CEP112: variants seen among roughly 807,000 people sequenced by gnomAD.
CEP112 encodes the protein centrosomal protein of 112 kDa.
In CEP112, 127 loss-of-function variants were observed where a neutral mutation model predicts 153.0. That is an observed-to-expected ratio of 0.83 (90% confidence interval 0.72 to 0.96). The LOEUF (loss-of-function observed/expected upper bound fraction) is 0.96. CEP112 is among the 40% of genes least tolerant of loss of function. The pLI is 0.00. For missense variants in CEP112, 1,089 were observed against 1,101.2 expected (o/e 0.99, Z 0.16); for synonymous variants, 358 against 374.4 (o/e 0.96, Z 0.51).
Position 66,096,646 on chromosome 17 carries a change from A to C in CEP112, c.643-14T>G. On this transcript the variant is annotated splice_polypyrimidine_tract_variant and intron_variant, in intron 6 of 26. Transcript: ENST00000535342. The stretch of plus-strand genomic sequence containing the variant: ...AGGATTTTCTATCTGAAAATTTAAA[A>C]ATAAAACAAAATAAGGATTTATTAA... The C allele has an allele frequency of 6.7e-7, 1 of 1,486,190 alleles. No individual in the cohort carries two copies. The highest frequency in any genetic ancestry group is 9.3e-7 in the Non-Finnish European group (1 of 1,075,270). 92.1% of individuals were successfully genotyped at this position (1,486,190 alleles called of 1,614,324 possible).
intron 23 of CEP112, among the ~76,000 whole-genome samples, chr17:65,717,816 G>A (rs893793597): frequency 1.3e-5 from 2 of 152,098 alleles, no homozygotes; most frequent in Admixed American, 6.5e-5. Flanking sequence ...TGTTTAAAAG[G>A]GTCCCTGACT....
At chr17:66,039,517 A>C (rs1284269625) in intron 12 of CEP112, among the ~76,000 whole-genome samples, 2 of 152,132 alleles carry the variant, frequency 1.3e-5, no homozygotes, top group Non-Finnish European at 2.9e-5. Flanking sequence ...TTTGTGTGCC[A>C]CTGCACTCCA....
At chr17:65,712,646 G>T (rs2049260310) in intron 23 of CEP112, among the ~76,000 whole-genome samples, 1 of 152,132 alleles carries the variant, frequency 6.6e-6, no homozygotes, top group African/African-American at 2.4e-5. Context: ...GCTTCAAAAG[G>T]GCTTTGAGCA....
intron 21 of CEP112, among the ~76,000 whole-genome samples, chr17:65,813,477 G>C (rs888357548): frequency 1.3e-5 from 2 of 152,162 alleles, no homozygotes; most frequent in Non-Finnish European, 2.9e-5. Context: ...TGCTCATAGT[G>C]ACCTATCTGA....
intron 6 of CEP112, among the ~76,000 whole-genome samples, chr17:66,114,690 C>A (rs183718945): frequency 9.9e-5 from 15 of 152,138 alleles, no homozygotes; most frequent in African/African-American, 3.4e-4. Flanking sequence ...CAAAAGGACT[C>A]TCATGCAGAA....
chr17:65,704,763 C>T (rs892502229), intron 23 of CEP112, among the ~76,000 whole-genome samples: 1 of 152,158 alleles, frequency 6.6e-6, no homozygotes, highest in Admixed American at 6.5e-5. Context: ...AAATCATTCA[C>T]GCCAGATAAA....
At chr17:65,790,051 C>G (rs958704307) in intron 21 of CEP112, among the ~76,000 whole-genome samples, 29 of 152,134 alleles carry the variant, frequency 1.9e-4, no homozygotes, top group African/African-American at 7.0e-4. Flanking sequence ...TGCCTCTTCC[C>G]TGCCTGTAGA....
intron 13 of CEP112, 57 bp downstream of exon 13, chr17:66,029,812 C>G: frequency 7.0e-7 from 1 of 1,437,806 alleles, no homozygotes; most frequent in Non-Finnish European, 9.5e-7. Flanking sequence ...ATAACTGATA[C>G]AGTTAATATC....
At chr17:65,729,475 A>T (rs1445371187) in intron 23 of CEP112, among the ~76,000 whole-genome samples, 1 of 152,100 alleles carries the variant, frequency 6.6e-6, no homozygotes, top group Non-Finnish European at 1.5e-5. Flanking sequence ...TATTAAATTG[A>T]TCATTCAGTA....
chr17:65,857,083 T>C (rs2058146435), intron 20 of CEP112, among the ~76,000 whole-genome samples: 2 of 152,328 alleles, frequency 1.3e-5, no homozygotes, highest in Admixed American at 6.5e-5. Context: ...TCCCAGTGCA[T>C]ATAAAAGTTA....
chr17:65,917,778 G>C (rs2143982376), intron 19 of CEP112, among the ~76,000 whole-genome samples: 1 of 152,036 alleles, frequency 6.6e-6, no homozygotes, highest in South Asian at 2.1e-4. Context: ...GAGCTGCCCA[G>C]TATCTCCACC....
chr17:65,713,221 G>A (rs1159310129), intron 23 of CEP112, among the ~76,000 whole-genome samples: 2 of 152,136 alleles, frequency 1.3e-5, no homozygotes, highest in African/African-American at 2.4e-5. Context: ...GTGGTGGTCC[G>A]GGGGGTTACC....
intron 20 of CEP112, among the ~76,000 whole-genome samples, chr17:65,868,281 A>C (rs971568038): frequency 2.0e-5 from 3 of 152,070 alleles, no homozygotes; most frequent in Non-Finnish European, 4.4e-5. Context: ...AGACGGATCA[A>C]TTGAGGTCAG....
At chr17:65,790,902 A>G (rs2054554845) in intron 21 of CEP112, among the ~76,000 whole-genome samples, 1 of 152,142 alleles carries the variant, frequency 6.6e-6, no homozygotes, top group Non-Finnish European at 1.5e-5. Context: ...CTTCCATCTT[A>G]GTCTAACACC....
At chr17:66,067,199 T>C (rs998578109) in intron 9 of CEP112, among the ~76,000 whole-genome samples, 2 of 152,194 alleles carry the variant, frequency 1.3e-5, no homozygotes, top group African/African-American at 2.4e-5. Context: ...AGAATCTATA[T>C]GATCTGCCAC....
At chr17:66,063,544 C>A (rs1333815788) in intron 10 of CEP112, among the ~76,000 whole-genome samples, 1 of 152,108 alleles carries the variant, frequency 6.6e-6, no homozygotes, top group African/African-American at 2.4e-5. Flanking sequence ...ATATTGGATA[C>A]AATGTACATT....
At chr17:66,135,982 TCAA>T (rs781538459) in intron 4 of CEP112, among the ~76,000 whole-genome samples, 9 of 152,056 alleles carry the variant, frequency 5.9e-5, no homozygotes, top group Non-Finnish European at 1.3e-4. Context: ...ACACATAAAT[TCAA>T]CAACAATACA....
intron 17 of CEP112, among the ~76,000 whole-genome samples, chr17:65,994,009 G>A (rs1288037820): frequency 7.5e-5 from 3 of 39,772 alleles, no homozygotes; most frequent in Admixed American, 3.9e-4. Context: ...AATAAACTTC[G>A]GTTCATAGGA....
Position 66,052,326 on chromosome 17 carries a change from C to A in CEP112, c.1218+1410G>T, listed in dbSNP as rs534834997. Among the ~76,000 whole-genome samples the A allele has an allele frequency of 1.8e-4, 28 of 152,190 alleles. No homozygotes were observed. The East Asian group carries it at 2.7e-3, about 15-fold the overall frequency. ...AGTCAAACCATCGTTAAGTAGGGGA[C>A]CATTTGTATCAGTAACAAGACTGAT... On this transcript the variant is annotated intron_variant, in intron 12 of 26. Coordinates refer to ENST00000535342, the MANE Select transcript of CEP112 (RefSeq NM_001199165.4).
Sources: gnomAD v4.1 joint callset for allele counts (sites outside exome capture counted in the v4.1 genomes callset) on GRCh38, gnomAD v4.1.1 for gene constraint, MANE v1.5 for transcripts, NCBI Gene and HGNC (gene_info 2026-07-23, HGNC 2026-07-21) for gene names.